The following LRCH1 variants were observed in gnomAD, a reference collection of about 807,000 sequenced individuals.
LRCH1 encodes leucine rich repeats and calponin homology domain containing 1, also known as leucine-rich repeat and calponin homology domain-containing protein 1.
LRCH1 carries 23 observed loss-of-function variants against 94.9 expected under a neutral mutation model. The observed-to-expected ratio is 0.24, with a 90% confidence interval of 0.17 to 0.34. The LOEUF (loss-of-function observed/expected upper bound fraction) is 0.34. LRCH1 is among the 10% of genes least tolerant of loss of function. The pLI, the probability that LRCH1 is intolerant of heterozygous loss-of-function variation, is 1.00. For missense variants in LRCH1, 790 were observed against 945.9 expected (o/e 0.84, Z 2.16); for synonymous variants, 364 against 354.9 (o/e 1.03, Z -0.29).
chr13:46,580,393 G>C (rs182062363), intron 1 of LRCH1, among the ~76,000 whole-genome samples: 4 of 152,104 alleles, frequency 2.6e-5, no homozygotes, highest in Non-Finnish European at 5.9e-5. Flanking sequence ...TTATCCAAAG[G>C]GTAATTTGCA....
chr13:46,561,659 T>A (rs1361660306), intron 1 of LRCH1, among the ~76,000 whole-genome samples: 1 of 152,240 alleles, frequency 6.6e-6, no homozygotes, highest in African/African-American at 2.4e-5. Context: ...ACTTTATCTC[T>A]GCAGGCAATG....
intron 2 of LRCH1, among the ~76,000 whole-genome samples, chr13:46,657,163 ATT>A (rs5803364): frequency 4.6e-5 from 7 of 150,980 alleles, no homozygotes; most frequent in African/African-American, 1.2e-4. Context: ...ATTCAATTGT[ATT>A]TTTTTTTTGT....
At chr13:46,558,572 C>CA (rs575874794) in intron 1 of LRCH1, among the ~76,000 whole-genome samples, 2,678 of 34,348 alleles carry the variant, frequency 0.078, 488 homozygotes, top group African/African-American at 0.16. Flanking sequence ...CCTGTGTCTA[C>CA]AAAAAAAAAA....
chr13:46,581,551 C>G (rs558497826), intron 1 of LRCH1, among the ~76,000 whole-genome samples: 4 of 152,176 alleles, frequency 2.6e-5, no homozygotes, highest in Admixed American at 2.0e-4. Context: ...CTAAGACTCA[C>G]GAGAACTCTA....
chr13:46,561,959 T>A (rs1182008348), intron 1 of LRCH1, among the ~76,000 whole-genome samples: 1 of 152,214 alleles, frequency 6.6e-6, no homozygotes, highest in Non-Finnish European at 1.5e-5. Context: ...TCTGATACTT[T>A]CCCTATGTTT....
In LRCH1 at chr13:46,553,184, C is replaced by G; in HGVS notation, c.-213C>G. ...CCGCCGCCGCCGCAGTCCTTAGCTT[C>G]CCGGGGACAGGAAACCTTCAAGACC... is the stretch of plus-strand genomic sequence containing the variant. On this transcript the variant is annotated 5_prime_UTR_variant, in exon 1 of 20. Transcript: ENST00000389797. The G allele has an allele frequency of 1.7e-6, 1 of 572,242 alleles. No individual in the cohort carries two copies. Among genetic ancestry groups the G allele is most frequent in the Non-Finnish European group, 3.0e-6 (1 of 328,288 alleles). The allele number at this position is 572,242 out of a possible 1,614,324, so 35.4% of individuals were successfully genotyped here. A position where few individuals can be genotyped will look rare whatever the true frequency, so the allele number is the denominator to read the frequency against.
intron 1 of LRCH1, among the ~76,000 whole-genome samples, chr13:46,628,675 A>AC (rs1341967148): frequency 4.6e-5 from 7 of 151,698 alleles, no homozygotes; most frequent in Non-Finnish European, 5.9e-5. Flanking sequence ...AAAAAAAAAA[A>AC]AAAACACAAG....
chr13:46,575,092 A>G (rs2050288666), intron 1 of LRCH1, among the ~76,000 whole-genome samples: 1 of 152,126 alleles, frequency 6.6e-6, no homozygotes, highest in South Asian at 2.1e-4. Context: ...GACAAGAACC[A>G]TCATCTTTTA....
chr13:46,573,762 G>GGGAT (rs1263790589), intron 1 of LRCH1, among the ~76,000 whole-genome samples: 7 of 149,134 alleles, frequency 4.7e-5, no homozygotes, highest in African/African-American at 1.7e-4. Context: ...GAAGGAGGTG[G>GGGAT]GGATGGTTAA....
intron 1 of LRCH1, among the ~76,000 whole-genome samples, chr13:46,586,089 C>T (rs529084920): frequency 1.3e-5 from 2 of 152,124 alleles, no homozygotes; most frequent in African/African-American, 4.8e-5. Context: ...GCATTCTTTT[C>T]ACAGCTTCCA....
Position 46,553,242 on chromosome 13 carries a change from C to CCCCCAA in LRCH1, c.-155_-154insCCCCAA. ...CACGGCCGCCTCCCCGCCCGCCCCC[C>CCCCCAA]ATTCTACGCGCCTGCCCACACCCTC... On this transcript the variant is annotated 5_prime_UTR_variant, in exon 1 of 20. Coordinates refer to ENST00000389797, the MANE Select transcript of LRCH1 (RefSeq NM_001164211.2). 1.8e-6 allele frequency: 1 copy of CCCCCAA among 568,658 alleles called. No homozygotes were observed. Among genetic ancestry groups the CCCCCAA allele is most frequent in the Non-Finnish European group, 3.1e-6 (1 of 324,450 alleles). 35.2% of individuals were successfully genotyped at this position (568,658 alleles called of 1,614,324 possible).
intron 19 of LRCH1, 102 bp downstream of exon 19, chr13:46,734,100 TTG>T (rs1320366889): frequency 1.1e-5 from 6 of 526,888 alleles, no homozygotes; most frequent in Non-Finnish European, 2.0e-5. Flanking sequence ...ACATGCTTTT[TTG>T]TCTCAACCTT....
chr13:46,606,270 C>T (rs1332943594), intron 1 of LRCH1, among the ~76,000 whole-genome samples: 1 of 152,068 alleles, frequency 6.6e-6, no homozygotes. Context: ...TCATTATCAA[C>T]ACTGTTTTGT....
In LRCH1 at chr13:46,669,049, C is replaced by T; in HGVS notation, c.472C>T (p.Leu158=). Residue 158 remains leucine, a synonymous_variant, in exon 3 of 20, where the codon CTG becomes TTG. Coordinates refer to ENST00000389797, the MANE Select transcript of LRCH1 (RefSeq NM_001164211.2). The part of the protein sequence containing the change: ...LNLSRNQLSA[L]PACLCGLPLK... ...TTGCAGTCGAAATCAGCTGTCCGCCCTGCCTGCCTGCCTGTGTGGTCTGCC... is the reference window on the plus strand; with the variant it reads ...TTGCAGTCGAAATCAGCTGTCCGCCTTGCCTGCCTGCCTGTGTGGTCTGCC... 3.1e-6 allele frequency: 5 copies of T among 1,608,642 alleles called. No individual in the cohort carries two copies. The highest frequency in any genetic ancestry group is 4.2e-6 in the Non-Finnish European group (5 of 1,176,552).
intron 1 of LRCH1, among the ~76,000 whole-genome samples, chr13:46,600,706 G>A (rs1170849265): frequency 6.6e-6 from 1 of 150,716 alleles, no homozygotes; most frequent in Admixed American, 6.6e-5. Context: ...TACTGCTAAG[G>A]ATATGTGTTT....
intron 1 of LRCH1, among the ~76,000 whole-genome samples, chr13:46,609,187 C>G (rs895997490): frequency 1.3e-5 from 2 of 152,178 alleles, no homozygotes; most frequent in African/African-American, 4.8e-5. Context: ...CTGCTGTGCT[C>G]GGCCTCTTTG....
At chr13:46,560,309 C>T (rs551205840) in intron 1 of LRCH1, among the ~76,000 whole-genome samples, 1 of 152,042 alleles carries the variant, frequency 6.6e-6, no homozygotes, top group Non-Finnish European at 1.5e-5. Flanking sequence ...GGGTTTGTCA[C>T]TCAGGCCATG....
intron 1 of LRCH1, among the ~76,000 whole-genome samples, chr13:46,556,055 A>T (rs76703226): frequency 1.3e-5 from 2 of 152,362 alleles, no homozygotes; most frequent in East Asian, 1.9e-4. Context: ...TCCTTGACTC[A>T]TATTTACTTT....
At chr13:46,572,861 G>A (rs2050255830) in intron 1 of LRCH1, among the ~76,000 whole-genome samples, 1 of 152,036 alleles carries the variant, frequency 6.6e-6, no homozygotes, top group African/African-American at 2.4e-5. Flanking sequence ...TCCACTGCCT[G>A]TTACTGTATG....
Sources: gnomAD v4.1 joint callset for allele counts (sites outside exome capture counted in the v4.1 genomes callset) on GRCh38, gnomAD v4.1.1 for gene constraint, MANE v1.5 for transcripts, NCBI Gene and HGNC (gene_info 2026-07-23, HGNC 2026-07-21) for gene names.